Variants in FADS6 observed in about 807,000 individuals in gnomAD.
FADS6 encodes fatty acid desaturase 6.
In FADS6, 28 loss-of-function variants were observed where a neutral mutation model predicts 31.7. The ratio of observed to expected loss-of-function variants is 0.88; its 90% CI spans 0.66 to 1.21. The LOEUF (loss-of-function observed/expected upper bound fraction) is 1.21, where lower values mean the gene tolerates loss of function less well. Among genes scored for constraint, FADS6 ranks in the 50% most tolerant of loss-of-function variants. The pLI, the probability that FADS6 is intolerant of heterozygous loss-of-function variation, is 0.00. For missense variants in FADS6, 494 were observed against 504.2 expected (o/e 0.98, Z 0.19); for synonymous variants, 191 against 213.1 (o/e 0.90, Z 0.90).
chr17:74,884,671 G>A (rs1039307084), intron 2 of FADS6, among the ~76,000 whole-genome samples: 2 of 152,048 alleles, frequency 1.3e-5, no homozygotes, highest in Non-Finnish European at 1.5e-5. Context: ...CAGGAGCAGC[G>A]AGACGGGGAT....
chr17:74,879,761 C>T (rs2038548316), intron 4 of FADS6, among the ~76,000 whole-genome samples, 178 bp from the exon 5 acceptor site: 1 of 152,160 alleles, frequency 6.6e-6, no homozygotes, highest in African/African-American at 2.4e-5. Context: ...TCTGCACTGA[C>T]TCTCATCCAT....
At chr17:74,889,870 C>CAAAAAAAAAAAAA (rs59381032) in intron 2 of FADS6, among the ~76,000 whole-genome samples, 2 of 53,528 alleles carry the variant, frequency 3.7e-5, no homozygotes, top group African/African-American at 1.4e-4. Context: ...GACTCAGTCT[C>CAAAAAAAAAAAAA]AAAAAAAAAA....
downstream of FADS6, among the ~76,000 whole-genome samples, chr17:74,875,130 C>A (rs1190541370): frequency 6.6e-6 from 1 of 152,170 alleles, no homozygotes; most frequent in Non-Finnish European, 1.5e-5. Context: ...TAGAGTCAGA[C>A]AACATTGGGT....
chr17:74,878,506 A>C (rs1181650821), intron 5 of FADS6, 29 bp from the exon 6 acceptor site: 2 of 1,611,182 alleles, frequency 1.2e-6, no homozygotes, highest in Admixed American at 3.3e-5. Context: ...GAGAGGGCCT[A>C]TGAGCAGGGG....
intron 1 of FADS6, 124 bp downstream of exon 1, chr17:74,893,228 G>T: frequency 8.8e-7 from 1 of 1,137,710 alleles, no homozygotes; most frequent in Non-Finnish European, 1.2e-6. Context: ...CCTCCCTGCC[G>T]CCGCCAGTCC....
At position 74,882,594 on chromosome 17, in the gene FADS6, G is replaced by T. The variant is rs768616673; in HGVS notation, c.528C>A (p.Asn176Lys). ...GAGCAAGGAACATGTAGACATAGCG[G>T]TTGAGGCAAGGCAGCCTCCACGTGC... ...DSSTWRLPCL[N>K]RYVYMFLAPF... The change falls in exon 3 of 6, where the codon AAC (asparagine) becomes AAA (lysine). Residue 176 changes from asparagine (N) to lysine (K), a missense_variant. Around this residue, in one of 2 missense-constraint regions of FADS6, gnomAD observed 454 missense variants for 438.5 expected, o/e 1.04. Transcript: ENST00000612771. 1 of 1,611,908 alleles carries T rather than the reference G, an allele frequency of 6.2e-7. No homozygotes were observed. The highest frequency in any genetic ancestry group is 8.5e-7 in the Non-Finnish European group (1 of 1,179,172).
At chr17:74,883,586 G>C (rs2038595764) in intron 2 of FADS6, among the ~76,000 whole-genome samples, 2 of 152,214 alleles carry the variant, frequency 1.3e-5, no homozygotes, top group Non-Finnish European at 2.9e-5. Context: ...CACACTTCCT[G>C]AGGGCGGTGG....
At chr17:74,892,481 C>G in intron 2 of FADS6, 42 bp downstream of exon 2, 1 of 1,582,796 alleles carries the variant, frequency 6.3e-7, no homozygotes, top group Non-Finnish European at 8.6e-7. Flanking sequence ...GGCTGCCACA[C>G]GGTCCCAGCA....
At chr17:74,880,939 G>A (rs994638154) in intron 4 of FADS6, 129 bp downstream of exon 4, 12 of 961,204 alleles carry the variant, frequency 1.2e-5, no homozygotes, top group Non-Finnish European at 1.8e-5. Context: ...AGTGTGATGA[G>A]AGCGAGAGGG....
intron 2 of FADS6, among the ~76,000 whole-genome samples, chr17:74,886,067 G>A (rs928613331): frequency 2.0e-5 from 3 of 152,044 alleles, no homozygotes; most frequent in South Asian, 2.1e-4. Flanking sequence ...GTGAAACCCC[G>A]TTTCTACTAA....
chr17:74,889,553 A>AAAAC (rs780024511), intron 2 of FADS6, among the ~76,000 whole-genome samples: 2 of 151,642 alleles, frequency 1.3e-5, no homozygotes, highest in African/African-American at 2.4e-5. Flanking sequence ...CAACAAAAAC[A>AAAAC]AAACAAACAA....
chr17:74,880,257 G>A (rs1433078853), intron 4 of FADS6, among the ~76,000 whole-genome samples: 2 of 152,148 alleles, frequency 1.3e-5, no homozygotes, highest in African/African-American at 2.4e-5. Context: ...TCTTTCTCGG[G>A]GCAGGCACTA....
At chr17:74,881,653 G>A (rs913654808) in intron 3 of FADS6, among the ~76,000 whole-genome samples, 5 of 150,352 alleles carry the variant, frequency 3.3e-5, no homozygotes, top group Admixed American at 2.7e-4. Flanking sequence ...GAGTAGTTGG[G>A]ACTACAGTTG....
rs907161807 is a variant in FADS6, at chr17:74,879,588, G to A, written c.781-5C>T. 29 of 1,609,062 alleles carry A rather than the reference G, an allele frequency of 1.8e-5. No homozygotes were observed. Among genetic ancestry groups the A allele is most frequent in the Middle Eastern group, 2.1e-4 (1 of 4,860 alleles). Reference sequence around the variant, plus strand: ...GAACATGGGCAGTCCGATGTGCTGTGACAGACACGTGGGTCACGCCGGGCA... The same window carrying A: ...GAACATGGGCAGTCCGATGTGCTGTAACAGACACGTGGGTCACGCCGGGCA... On this transcript the variant is annotated splice_polypyrimidine_tract_variant and splice_region_variant and intron_variant, in intron 4 of 5. Coordinates refer to ENST00000612771, the MANE Select transcript of FADS6 (RefSeq NM_178128.6).
chr17:74,876,303 G>A (rs972065182), downstream of FADS6, among the ~76,000 whole-genome samples: 3 of 152,256 alleles, frequency 2.0e-5, no homozygotes, highest in Admixed American at 6.5e-5. Context: ...TCTATCCAAG[G>A]CCTTCACTGA....
intron 4 of FADS6, 22 bp from the exon 5 acceptor site, chr17:74,879,605 C>T (rs753087585): frequency 1.1e-5 from 18 of 1,600,072 alleles, no homozygotes; most frequent in East Asian, 6.7e-5. Flanking sequence ...ACGTGGGTCA[C>T]GCCGGGCAGC....
intron 2 of FADS6, among the ~76,000 whole-genome samples, chr17:74,886,038 G>C (rs2038618488): frequency 6.6e-6 from 1 of 152,036 alleles, no homozygotes; most frequent in South Asian, 2.1e-4. Context: ...AGGAGATCGA[G>C]ACCATCCTGG....
At chr17:74,887,977 C>T (rs1225658849) in intron 2 of FADS6, among the ~76,000 whole-genome samples, 2 of 152,148 alleles carry the variant, frequency 1.3e-5, no homozygotes, top group Non-Finnish European at 2.9e-5. Context: ...TGAGCCACTG[C>T]GCCCAGCCAG....
intron 2 of FADS6, among the ~76,000 whole-genome samples, chr17:74,887,529 T>G (rs2038636535): frequency 6.6e-6 from 1 of 152,224 alleles, no homozygotes; most frequent in Non-Finnish European, 1.5e-5. Flanking sequence ...GGCGTGGCAT[T>G]GCACAAGTGG....
Sources: gnomAD v4.1 joint callset for allele counts (sites outside exome capture counted in the v4.1 genomes callset) on GRCh38, gnomAD v4.1.1 for gene constraint, gnomAD v4.1.1 regional missense constraint, MANE v1.5 for transcripts, NCBI Gene and HGNC (gene_info 2026-07-23, HGNC 2026-07-21) for gene names.